Variants in USF3 observed in about 807,000 individuals in gnomAD.
The protein encoded by USF3 is upstream transcription factor family member 3, also known as basic helix-loop-helix domain-containing protein USF3.
Under a neutral mutation model 157.5 loss-of-function variants are expected in USF3, and 29 were observed. The observed-to-expected ratio is 0.18, with a 90% CI of 0.14 to 0.25. The LOEUF (loss-of-function observed/expected upper bound fraction) is 0.25, where lower values mean the gene tolerates loss of function less well. Ranked by LOEUF, USF3 falls within the 10% of genes least tolerant of loss-of-function variation. USF3 has a pLI of 1.00. For missense variants in USF3, 2,381 were observed against 2,667.6 expected (o/e 0.89, Z 2.37); for synonymous variants, 893 against 941.4 (o/e 0.95, Z 0.94).
At chr3:113,692,695 AC>A (rs1707710785) in intron 1 of USF3, among the ~76,000 whole-genome samples, 1 of 152,238 alleles carries the variant, frequency 6.6e-6, no homozygotes, top group Non-Finnish European at 1.5e-5. Context: ...AATAATAAAT[AC>A]TTGGTGAACT....
At chr3:113,687,888 C>T (rs1185387258) in intron 1 of USF3, among the ~76,000 whole-genome samples, 1 of 152,180 alleles carries the variant, frequency 6.6e-6, no homozygotes, top group African/African-American at 2.4e-5. Context: ...ATTGAATGAA[C>T]AATGGTCTTC....
In USF3 at chr3:113,656,114, A is replaced by G. The variant is rs775709874; in HGVS notation, c.5568T>C (p.Tyr1856=). 6.8e-6 allele frequency: 11 copies of G among 1,614,058 alleles called. No homozygotes were observed. Among genetic ancestry groups the G allele is most frequent in the Non-Finnish European group, 7.6e-6 (9 of 1,180,032 alleles). Residue 1856 remains tyrosine, a synonymous_variant, in exon 7 of 7, where the codon TAT becomes TAC. Transcript: ENST00000316407. The stretch of plus-strand genomic sequence containing the variant: ...CATTTTCATGAGTTGGGGGACAATT[A>G]TATTCAATTGCAGAGGATGGACCAC... ...TQCGPSSAIE[Y]NCPPTHENVH...
At chr3:113,679,069 G>A (rs933852375) in intron 1 of USF3, among the ~76,000 whole-genome samples, 3 of 148,758 alleles carry the variant, frequency 2.0e-5, no homozygotes, top group Non-Finnish European at 4.5e-5. Context: ...CGATCCTCCC[G>A]CCGCAGTCTT....
rs1947450808 is a variant in USF3, at chr3:113,659,960, T to C, written c.1722A>G (p.Gln574=). Residue 574 remains glutamine (Q), a synonymous_variant, in exon 7 of 7, where the codon CAA becomes CAG. Coordinates refer to ENST00000316407, the MANE Select transcript of USF3 (RefSeq NM_001009899.4). The stretch of plus-strand genomic sequence containing the variant: ...TGATTACTATCTGTTGACCTACTGT[T>C]TGGTTGGAAACTTCTGCCCTCATCA... ...PTVMRAEVSN[Q]TVGQQIVIIQ... The C allele has an allele frequency of 6.2e-7, 1 of 1,614,154 alleles. No homozygotes were observed. The highest frequency in any genetic ancestry group is 8.5e-7 in the Non-Finnish European group (1 of 1,180,022).
Position 113,656,132 on chromosome 3 carries a change from T to C in USF3, c.5550A>G (p.Pro1850=), listed in dbSNP as rs560903823. The C allele has an allele frequency of 1.2e-6, 2 of 1,614,216 alleles. No individual in the cohort carries two copies. The highest frequency in any genetic ancestry group is 2.2e-5 in the East Asian group (1 of 44,886). The change falls in exon 7 of 7, where the codon CCA becomes CCG. Residue 1850 remains proline, a synonymous_variant. Coordinates refer to ENST00000316407, the MANE Select transcript of USF3 (RefSeq NM_001009899.4). ...SEHQRNTQCG[P]SSAIEYNCPP... The stretch of plus-strand genomic sequence containing the variant: ...GACAATTATATTCAATTGCAGAGGA[T>C]GGACCACACTGTGTATTCCTCTGAT...
At chr3:113,691,097 GA>G (rs1707671727) in intron 1 of USF3, among the ~76,000 whole-genome samples, 1 of 152,168 alleles carries the variant, frequency 6.6e-6, no homozygotes, top group African/African-American at 2.4e-5. Flanking sequence ...CCTGAGGTAG[GA>G]GGATGGCTTG....
Position 113,658,576 on chromosome 3 carries a change from G to T in USF3, c.3106C>A (p.Pro1036Thr), listed in dbSNP as rs1947413446. ...TTCACACTTGAATCAACTATTTTAG[G>T]ATTTTCTGAAGAAAAGTCAGGATGA... ...MDHPDFSSEN[P>T]KIVDSSVNLH... is the part of the protein sequence containing the mutation. Residue 1036 changes from proline (P) to threonine (T), a missense_variant, in exon 7 of 7, where the codon CCT becomes ACT. By Grantham distance (38) the Pro-to-Thr change is conservative (BLOSUM62 -1). Around this residue, in one of 6 missense-constraint regions of USF3, gnomAD observed 1,435 missense variants for 1,550.9 expected, o/e 0.93. Coordinates refer to ENST00000316407, the MANE Select transcript of USF3 (RefSeq NM_001009899.4). 1.2e-6 allele frequency: 2 copies of T among 1,613,710 alleles called. No individual in the cohort carries two copies. Among genetic ancestry groups the T allele is most frequent in the Non-Finnish European group, 1.7e-6 (2 of 1,179,918 alleles).
At chr3:113,675,240 G>A (rs536665266) in intron 2 of USF3, among the ~76,000 whole-genome samples, 21 of 152,296 alleles carry the variant, frequency 1.4e-4, no homozygotes, top group African/African-American at 4.6e-4. Context: ...GCATAGTTGA[G>A]TTGGGAGAGT....
At chr3:113,671,170 A>C (rs138610492) in intron 4 of USF3, among the ~76,000 whole-genome samples, 110 of 152,372 alleles carry the variant, frequency 7.2e-4, no homozygotes, top group Middle Eastern at 3.4e-3. Flanking sequence ...AGAGATTTTA[A>C]TGATAATCAA....
At chr3:113,663,410 G>A (rs536524838) in intron 6 of USF3, among the ~76,000 whole-genome samples, 7 of 152,068 alleles carry the variant, frequency 4.6e-5, no homozygotes, top group Admixed American at 1.3e-4. Context: ...TCTATCTGAC[G>A]GCATCACAAA....
rs897653874 is a variant in USF3, at chr3:113,648,406, G to T, written c.*6538C>A. 3.9e-5 allele frequency: 6 copies of T among 152,570 alleles called. No individual in the cohort carries two copies. Among genetic ancestry groups the T allele is most frequent in the Non-Finnish European group, 5.9e-5 (4 of 68,010 alleles). 9.5% of individuals were successfully genotyped at this position (152,570 alleles called of 1,614,324 possible). A position where few individuals can be genotyped will look rare whatever the true frequency, so the allele number is the denominator to read the frequency against. ...AGAATTTACAATGCAAAAATGCAAA[G>T]TTTATTTTCTTAAATAAAATACTAT... is the stretch of plus-strand genomic sequence containing the variant. On this transcript the variant is annotated 3_prime_UTR_variant, in exon 7 of 7. Transcript: ENST00000316407.
At chr3:113,664,819 T>C (rs1332858442) in intron 5 of USF3, among the ~76,000 whole-genome samples, 5 of 152,082 alleles carry the variant, frequency 3.3e-5, no homozygotes, top group African/African-American at 1.2e-4. Flanking sequence ...TGTGATGGTT[T>C]TTGGGAGGTA....
chr3:113,655,158 A>T lies in USF3; in HGVS notation c.6524T>A (p.Met2175Lys), dbSNP rs1209056167. 6.2e-7 allele frequency: 1 copy of T among 1,614,120 alleles called. No homozygotes were observed. Among genetic ancestry groups the T allele is most frequent in the African/African-American group, 1.3e-5 (1 of 74,948 alleles). The change falls in exon 7 of 7, where the codon ATG (methionine) becomes AAG (lysine). Residue 2175 changes from methionine (M) to lysine (K), a missense_variant. By Grantham distance (95) the Met-to-Lys change is moderately conservative. Transcript: ENST00000316407. ...AGAGTTGGTCATGTGCATTGGTGGC[A>T]TATCTGGGAGAAGAGGAAAACTTGG... ...AQPSFPLLPD[M>K]PPMHMTNSHL... is the part of the protein sequence containing the mutation.
At chr3:113,663,409 C>T (rs1235898358) in intron 6 of USF3, among the ~76,000 whole-genome samples, 3 of 152,120 alleles carry the variant, frequency 2.0e-5, no homozygotes, top group Admixed American at 1.3e-4. Flanking sequence ...ATCTATCTGA[C>T]GGCATCACAA....
chr3:113,649,930 A>G lies in USF3; in HGVS notation c.*5014T>C. The G allele has an allele frequency of 1.4e-6, 1 of 694,254 alleles. No individual in the cohort carries two copies. The highest frequency in any genetic ancestry group is 2.6e-6 in the Non-Finnish European group (1 of 382,052). The allele number at this position is 694,254 out of a possible 1,614,324, so 43.0% of individuals were successfully genotyped here. ...TTTTCTTTCAAACCCTGGGGAAAGA[A>G]AAATGGTAATGTTCAGCCAAAAAGG... On this transcript the variant is annotated 3_prime_UTR_variant, in exon 7 of 7. Coordinates refer to ENST00000316407, the MANE Select transcript of USF3 (RefSeq NM_001009899.4).
chr3:113,660,401 T>G lies in USF3; in HGVS notation c.1281A>C (p.Gly427=). 1.2e-6 allele frequency: 2 copies of G among 1,614,192 alleles called. No individual in the cohort carries two copies. The highest frequency in any genetic ancestry group is 2.2e-5 in the East Asian group (1 of 44,884). Residue 427 remains glycine (G), a synonymous_variant, in exon 7 of 7, where the codon GGA becomes GGC. Transcript: ENST00000316407. ...AAGTAGTCCACGTTGTCTGTGTGTT[T>G]CCAGCTGAAGAGATTCGTGTAAGGC... The part of the protein sequence containing the change: ...INSLTRISSA[G]NTQTTWTTLQ...
At chr3:113,663,990 G>A (rs932367262) in intron 6 of USF3, among the ~76,000 whole-genome samples, 52 of 152,042 alleles carry the variant, frequency 3.4e-4, no homozygotes, top group African/African-American at 1.2e-3. Context: ...ATCTTCTTAT[G>A]GGATTGCCCT....
At chr3:113,671,572 G>A (rs1330808247) in intron 4 of USF3, among the ~76,000 whole-genome samples, 1 of 152,130 alleles carries the variant, frequency 6.6e-6, no homozygotes, top group Non-Finnish European at 1.5e-5. Flanking sequence ...GGAAACATTA[G>A]TATTGGCTAT....
In USF3 at chr3:113,660,293, A is replaced by G. The variant is rs1559710848; in HGVS notation, c.1389T>C (p.Thr463=). 5 of 1,614,190 alleles carry G rather than the reference A, an allele frequency of 3.1e-6. No individual in the cohort carries two copies. The highest frequency in any genetic ancestry group is 1.3e-5 in the African/African-American group (1 of 75,060). The change falls in exon 7 of 7, where the codon ACT becomes ACC. Residue 463 remains threonine (T), a synonymous_variant. Transcript: ENST00000316407. ...AVTPVLNESG[T]SPTTSNHSRY... is the part of the protein sequence containing the mutation. The stretch of plus-strand genomic sequence containing the variant: ...TACTGTGGTTGCTTGTGGTGGGGCT[A>G]GTACCAGACTCATTTAATACTGGAG...
Sources: allele counts gnomAD v4.1 joint callset (sites outside exome capture counted in the v4.1 genomes callset), GRCh38; gene constraint gnomAD v4.1.1; regional missense constraint gnomAD v4.1.1; transcripts MANE v1.5; gene names NCBI Gene and HGNC (gene_info 2026-07-23, HGNC 2026-07-21).